SZT2: variants seen among roughly 807,000 people sequenced by gnomAD.
SZT2 encodes the protein SZT2 subunit of KICSTOR complex.
In SZT2, 216 loss-of-function variants were observed where a neutral mutation model predicts 404.2. The ratio of observed to expected loss-of-function variants is 0.53; its 90% CI spans 0.48 to 0.60. The LOEUF is 0.60. Ranked by LOEUF, SZT2 falls within the 20% of genes least tolerant of loss-of-function variation. The probability of loss-of-function intolerance (pLI) is 0.00; values close to 1 mark genes in which losing one functional copy is unlikely to be tolerated. For missense variants in SZT2, 3,857 were observed against 4,459.2 expected (o/e 0.86, Z 3.85); for synonymous variants, 1,693 against 1,749.9 (o/e 0.97, Z 0.81).
Position 43,432,808 on chromosome 1 carries a change from G to A in SZT2, c.5602+9G>A, listed in dbSNP as rs1483684283. ...GGACTCAGACCACCTAGGTAAGCTG[G>A]GGGGACGGGGTGAAGGACTCTAAGC... On this transcript the variant is annotated intron_variant, in intron 39 of 71. Transcript: ENST00000634258. 4 of 1,613,524 alleles carry A rather than the reference G, an allele frequency of 2.5e-6. No homozygotes were observed. Among genetic ancestry groups the A allele is most frequent in the Non-Finnish European group, 8.5e-7 (1 of 1,179,724 alleles).
In SZT2 at chr1:43,448,653, G is replaced by C. The variant is rs777426031; in HGVS notation, c.10011G>C (p.Leu3337=). The change falls in exon 70 of 72, where the codon CTG becomes CTC. Residue 3337 remains leucine (L), a synonymous_variant. Transcript: ENST00000634258. This position sits in a 1 kb window ranked among gnomAD's most constrained non-coding sequence, Gnocchi z 4.2. The part of the protein sequence containing the change: ...LSMTVSWYQS[L]IKVLLSRFPQ... Reference sequence around the variant, plus strand: ...TGACGGTCTCCTGGTACCAGAGCCTGATCAAAGTTCTCCTAAGCCGCTTCC... The same window carrying C: ...TGACGGTCTCCTGGTACCAGAGCCTCATCAAAGTTCTCCTAAGCCGCTTCC... 3.5e-5 allele frequency: 56 copies of C among 1,614,090 alleles called. No homozygotes were observed. Among genetic ancestry groups the C allele is most frequent in the Non-Finnish European group, 4.2e-5 (49 of 1,180,046 alleles).
rs375793150 is a variant in SZT2 at position 43,439,747 on chromosome 1, G to C, written c.7020G>C (p.Pro2340=). The change falls in exon 50 of 72, where the codon CCG becomes CCC. Residue 2340 remains proline, a synonymous_variant. Transcript: ENST00000634258. The surrounding 1 kb of genome is among the most constrained non-coding windows in gnomAD (Gnocchi z 4.2). The part of the protein sequence containing the change: ...FEQLTQVIRC[P]VVVDSSSAQN... ...AACTGACCCAGGTCATCCGCTGCCC[G>C]GTTGTTGTGGACAGTTCTTCAGGTG... 5 of 1,601,122 alleles carry C rather than the reference G, an allele frequency of 3.1e-6. No individual in the cohort carries two copies. In the African/African-American group the frequency reaches 6.7e-5, roughly 21 times the overall value.
chr1:43,419,700 C>G, intron 7 of SZT2, 34 bp from the exon 8 acceptor site: 2 of 1,555,480 alleles, frequency 1.3e-6, no homozygotes, highest in Non-Finnish European at 8.7e-7. Flanking sequence ...ATGCCTCTGT[C>G]AGAGCTAGGT....
At position 43,421,700 on chromosome 1, in the gene SZT2, G is replaced by A. The variant is rs148730408; in HGVS notation, c.1627-383G>A. Among the ~76,000 whole-genome samples the A allele has an allele frequency of 6.5e-3, 994 of 152,360 alleles. 9 individuals are homozygous for A. Among genetic ancestry groups the A allele is most frequent in the African/African-American group, 0.023 (941 of 41,580 alleles). On this transcript the variant is annotated intron_variant, in intron 11 of 71. Transcript: ENST00000634258. ...TGAAGACTACAGCTTCCTTGGTCCT[G>A]TGCTGTCTTCACACTCAGTCCACGC...
At position 43,443,264 on chromosome 1, in the gene SZT2, C is replaced by G; in HGVS notation, c.8496C>G (p.Ile2832Met). The G allele has an allele frequency of 6.2e-7, 1 of 1,614,184 alleles. No homozygotes were observed. The highest frequency in any genetic ancestry group is 8.5e-7 in the Non-Finnish European group (1 of 1,180,016). The change falls in exon 60 of 72, where the codon ATC (isoleucine) becomes ATG (methionine). Residue 2832 changes from isoleucine (I) to methionine (M), a missense_variant. Around this residue, in one of 7 missense-constraint regions of SZT2, gnomAD observed 717 missense variants for 868.2 expected, o/e 0.83. Transcript: ENST00000634258. ...GTTCTACCCCAGCCACCATGCCCAT[C>G]AGTGTGAGTGACCCCAGCTTGCATC... ...QQRSTPATMPISAGELETLKQ... is the reference protein window; with the variant it reads ...QQRSTPATMPMSAGELETLKQ...
At chr1:43,436,868 C>G in intron 42 of SZT2, 1 of 430,972 alleles carries the variant, frequency 2.3e-6, no homozygotes, top group South Asian at 3.2e-5. Flanking sequence ...ATGACAGGGT[C>G]AGAATCTCTT....
intron 6 of SZT2, 84 bp from the exon 7 acceptor site, chr1:43,416,451 T>C (rs1186797042): frequency 8.6e-7 from 1 of 1,160,496 alleles, no homozygotes; most frequent in Admixed American, 1.9e-5. Flanking sequence ...CACTGAGCCG[T>C]TCAGGACCCT....
chr1:43,403,935 T>C, intron 3 of SZT2, 161 bp downstream of exon 3: 1 of 784,694 alleles, frequency 1.3e-6, no homozygotes, highest in Non-Finnish European at 2.0e-6. Flanking sequence ...CTGGGCCAGC[T>C]GTGGTGACTC....
rs751659407 is a variant in SZT2 at position 43,447,557 on chromosome 1, T to C, written c.9299T>C (p.Leu3100Pro). 1 of 1,613,904 alleles carries C rather than the reference T, an allele frequency of 6.2e-7. No individual in the cohort carries two copies. Among genetic ancestry groups the C allele is most frequent in the African/African-American group, 1.3e-5 (1 of 74,998 alleles). The stretch of plus-strand genomic sequence containing the variant: ...ACTTATCCCTCAGGGACATTGGAGC[T>C]CCCCACACCACTCATTGCTGCCCAC... ...RNHIYQGTLELPTPLIAAHQL... is the reference protein window; with the variant it reads ...RNHIYQGTLEPPTPLIAAHQL... Residue 3100 changes from leucine to proline, a missense_variant, in exon 67 of 72, where the codon CTC becomes CCC. Around this residue, in one of 7 missense-constraint regions of SZT2, gnomAD observed 717 missense variants for 868.2 expected, o/e 0.83. Coordinates refer to ENST00000634258, the MANE Select transcript of SZT2 (RefSeq NM_001365999.1).
rs1570703396 is a variant in SZT2, at chr1:43,439,214, G to T, written c.6792+121G>T. 1 of 1,534,222 alleles carries T rather than the reference G, an allele frequency of 6.5e-7. No homozygotes were observed. Among genetic ancestry groups the T allele is most frequent in the East Asian group, 2.3e-5 (1 of 44,422 alleles). On this transcript the variant is annotated intron_variant, in intron 48 of 71. Coordinates refer to ENST00000634258, the MANE Select transcript of SZT2 (RefSeq NM_001365999.1). This position sits in a 1 kb window ranked among gnomAD's most constrained non-coding sequence, Gnocchi z 4.2. ...TGCCCATGGACCTGGGTACACCCAT[G>T]CCCCCCCGGGGACCATTATTACCCG... is the stretch of plus-strand genomic sequence containing the variant.
chr1:43,410,002 T>C (rs1388921970), intron 4 of SZT2: 5 of 152,244 alleles, frequency 3.3e-5, no homozygotes, highest in African/African-American at 1.2e-4. Context: ...ATTACCTGAC[T>C]TCAGATTATA....
chr1:43,440,891 CTCTG>C (rs1654991381), intron 52 of SZT2, among the ~76,000 whole-genome samples: 1 of 152,222 alleles, frequency 6.6e-6, no homozygotes, highest in Non-Finnish European at 1.5e-5. Context: ...ACAAAAACTG[CTCTG>C]TCTTTTGGAC....
rs745562309 is a variant in SZT2 at position 43,440,590 on chromosome 1, A to G, written c.7344+4A>G. On this transcript the variant is annotated splice_donor_region_variant and intron_variant, in intron 52 of 71. Transcript: ENST00000634258. ...GCGTAGCTTCTGGGATATGCTGGTA[A>G]TGGAAGAAGTGGTGAAGTGGGCATC... 7 of 1,581,362 alleles carry G rather than the reference A, an allele frequency of 4.4e-6. No homozygotes were observed. The South Asian group carries it at 6.9e-5, about 16-fold the overall frequency.
chr1:43,445,597 C>T (rs532793674), intron 62 of SZT2: 2 of 452,634 alleles, frequency 4.4e-6, no homozygotes, highest in Admixed American at 6.8e-5. Flanking sequence ...ACAGGCATCA[C>T]CTTCCCCCTT....
Position 43,430,701 on chromosome 1 carries a change from G to A in SZT2, c.4686G>A (p.Leu1562=). ...PTGPESFLHD[L]PPLFLHLTCS... ...GGCCTGAGAGCTTCCTTCATGACCT[G>A]CCACCGCTCTTCCTGCACCTCACGT... The change falls in exon 32 of 72, where the codon CTG becomes CTA. Residue 1562 remains leucine (L), a synonymous_variant. Coordinates refer to ENST00000634258, the MANE Select transcript of SZT2 (RefSeq NM_001365999.1). The A allele has an allele frequency of 6.2e-7, 1 of 1,613,774 alleles. No homozygotes were observed. Among genetic ancestry groups the A allele is most frequent in the Non-Finnish European group, 8.5e-7 (1 of 1,180,024 alleles).
At chr1:43,436,470 C>T (rs887795202) in intron 42 of SZT2, 1 of 152,274 alleles carries the variant, frequency 6.6e-6, no homozygotes, top group African/African-American at 2.4e-5. Flanking sequence ...ATTTTAGTCT[C>T]TCCAGAATTT....
At position 43,432,342 on chromosome 1, in the gene SZT2, C is replaced by T. The variant is rs138028425; in HGVS notation, c.5345C>T (p.Ala1782Val). ...CCTGACAGTGGCTTCTTCTTTGTGGCAGCTGGCCAACAGCCAGGTGGGTCC... is the reference window on the plus strand; with the variant it reads ...CCTGACAGTGGCTTCTTCTTTGTGGTAGCTGGCCAACAGCCAGGTGGGTCC... The part of the protein sequence containing the change: ...EDPDSGFFFV[A>V]AGQQPGGSHG... Residue 1782 changes from alanine (A) to valine (V), a missense_variant, in exon 37 of 72, where the codon GCA (alanine) becomes GTA (valine). Physicochemically the swap from Ala to Val is moderately conservative, Grantham distance 64. Transcript: ENST00000634258. 3.4e-4 allele frequency: 551 copies of T among 1,606,354 alleles called. 6 individuals are homozygous for T. The highest frequency in any genetic ancestry group is 9.3e-5 in the Non-Finnish European group (110 of 1,176,908).
Position 43,432,564 on chromosome 1 carries a change from G to C in SZT2, c.5490G>C (p.Glu1830Asp), listed in dbSNP as rs773384559. Reference sequence around the variant, plus strand: ...CACCTGGGTCCCCAGAGGATTCTGAGGGTGTCCCCCTCATCAGCCTGCCCC... The same window carrying C: ...CACCTGGGTCCCCAGAGGATTCTGACGGTGTCCCCCTCATCAGCCTGCCCC... ...PQAPGSPEDS[E>D]GVPLISLPRV... The change falls in exon 38 of 72, where the codon GAG (glutamate) becomes GAC (aspartate). Residue 1830 changes from glutamate (E) to aspartate (D), a missense_variant. Physicochemically the swap from Glu to Asp is conservative, Grantham distance 45. Around this residue, in one of 7 missense-constraint regions of SZT2, gnomAD observed 1,725 missense variants for 1,881.0 expected, o/e 0.92. Coordinates refer to ENST00000634258, the MANE Select transcript of SZT2 (RefSeq NM_001365999.1). 3.1e-6 allele frequency: 5 copies of C among 1,613,788 alleles called. No individual in the cohort carries two copies. In the East Asian group the frequency reaches 1.1e-4, roughly 36 times the overall value.
rs756336731 is a variant in SZT2, at chr1:43,450,702, C to G, written c.*222C>G. 5.5e-5 allele frequency: 40 copies of G among 733,474 alleles called. No homozygotes were observed. Among genetic ancestry groups the G allele is most frequent in the Non-Finnish European group, 5.6e-5 (24 of 431,992 alleles). 45.4% of individuals were successfully genotyped at this position (733,474 alleles called of 1,614,324 possible). On this transcript the variant is annotated 3_prime_UTR_variant, in exon 72 of 72. Transcript: ENST00000634258. The surrounding 1 kb of genome is among the most constrained non-coding windows in gnomAD (Gnocchi z 4.3). Reference sequence around the variant, plus strand: ...ACAGCCACTGACCCATCCAGGACTCCAGAGAGTCAGGTCAACCCCGAGGAC... The same window carrying G: ...ACAGCCACTGACCCATCCAGGACTCGAGAGAGTCAGGTCAACCCCGAGGAC...
Sources: allele counts gnomAD v4.1 joint callset (sites outside exome capture counted in the v4.1 genomes callset), GRCh38; gene constraint gnomAD v4.1.1; regional missense constraint gnomAD v4.1.1; non-coding constraint Gnocchi (gnomAD v3.1); transcripts MANE v1.5; gene names NCBI Gene and HGNC (gene_info 2026-07-23, HGNC 2026-07-21).